PRR16: variants seen among roughly 807,000 people sequenced by gnomAD.
The protein encoded by PRR16 is proline rich 16.
A neutral mutation model predicts 18.2 loss-of-function variants in PRR16; 6 were observed. The observed-to-expected ratio is 0.33, with a 90% CI of 0.18 to 0.65. The LOEUF (loss-of-function observed/expected upper bound fraction) is 0.65. PRR16 is among the 30% of genes least tolerant of loss of function. The pLI, the probability that PRR16 is intolerant of heterozygous loss-of-function variation, is 0.74. For synonymous variants in PRR16, 151 were observed against 147.8 expected (o/e 1.02, Z -0.16); for missense variants, 412 against 376.6 (o/e 1.09, Z -0.78).
At chr5:120,480,649 TCTGCAAA>T (rs1275947721) in intron 1 of PRR16, among the ~76,000 whole-genome samples, 2 of 152,178 alleles carry the variant, frequency 1.3e-5, no homozygotes, top group African/African-American at 2.4e-5. Flanking sequence ...TGATAATGTG[TCTGCAAA>T]CTGATGAAGA....
chr5:120,516,108 A>AAAACCAAACC (rs554533064), intron 1 of PRR16, among the ~76,000 whole-genome samples: 1 of 152,124 alleles, frequency 6.6e-6, no homozygotes, highest in African/African-American at 2.4e-5. Context: ...GCTAGAAAGC[A>AAAACCAAACC]AAACCAAACC....
chr5:120,777,642 A>G, the PRR16 span, among the ~76,000 whole-genome samples: 2 of 152,116 alleles, frequency 1.3e-5, no homozygotes, highest in Admixed American at 1.3e-4. Flanking sequence ...TATCTAGACT[A>G]GTGATATACA....
chr5:120,507,178 C>A (rs1192164047), intron 1 of PRR16, among the ~76,000 whole-genome samples: 1 of 152,056 alleles, frequency 6.6e-6, no homozygotes, highest in Non-Finnish European at 1.5e-5. Flanking sequence ...GGCACCATCC[C>A]TTGCATAGTA....
chr5:120,490,769 C>G (rs1256620432), intron 1 of PRR16, among the ~76,000 whole-genome samples: 1 of 151,958 alleles, frequency 6.6e-6, no homozygotes, highest in East Asian at 1.9e-4. Flanking sequence ...TGTTTTTTTC[C>G]CCATCTTTGT....
At position 120,465,167 on chromosome 5, in the gene PRR16, C is replaced by G. The variant is rs533628281; in HGVS notation, c.159+522C>G. On this transcript the variant is annotated intron_variant, in intron 1 of 1. Coordinates refer to ENST00000407149, the MANE Select transcript of PRR16 (RefSeq NM_001300783.2). ...GGCTCAGACTACCCTCCCTGTCTCT[C>G]GAGCCTCGCTGTAGGGAAGGCGACC... Among the ~76,000 whole-genome samples, 120 of 152,266 alleles carry G rather than the reference C, an allele frequency of 7.9e-4. 1 individual carries two copies. Among genetic ancestry groups the G allele is most frequent in the African/African-American group, 2.7e-3 (111 of 41,560 alleles).
the PRR16 span, among the ~76,000 whole-genome samples, chr5:120,700,790 T>G: frequency 6.6e-6 from 1 of 152,200 alleles, no homozygotes; most frequent in Admixed American, 6.5e-5. Context: ...CTGTGAGAGT[T>G]ACCCAAAGCT....
At chr5:120,542,519 C>A (rs1751947729) in intron 1 of PRR16, among the ~76,000 whole-genome samples, 2 of 151,928 alleles carry the variant, frequency 1.3e-5, no homozygotes, top group Non-Finnish European at 2.9e-5. Flanking sequence ...TGGAATTTAC[C>A]AGTTTTTCCA....
intron 1 of PRR16, among the ~76,000 whole-genome samples, chr5:120,505,469 T>C (rs1358416545): frequency 6.6e-6 from 1 of 152,164 alleles, no homozygotes; most frequent in African/African-American, 2.4e-5. Context: ...CCCCACTTTA[T>C]ACTTGGAGAG....
At chr5:120,486,257 G>A (rs1036647475) in intron 1 of PRR16, among the ~76,000 whole-genome samples, 1 of 152,212 alleles carries the variant, frequency 6.6e-6, no homozygotes, top group Non-Finnish European at 1.5e-5. Flanking sequence ...CTAGTTTACA[G>A]TTCCAACAGC....
At chr5:120,546,278 T>C (rs1752071680) in intron 1 of PRR16, among the ~76,000 whole-genome samples, 1 of 152,096 alleles carries the variant, frequency 6.6e-6, no homozygotes, top group Non-Finnish European at 1.5e-5. Context: ...ATGGTTAATA[T>C]TCATTCAATA....
chr5:120,763,151 C>G, the PRR16 span, among the ~76,000 whole-genome samples: 1 of 122,992 alleles, frequency 8.1e-6, no homozygotes, highest in Non-Finnish European at 1.8e-5. Context: ...ATTTTAATAG[C>G]AATTTTTTTT....
At chr5:120,738,138 C>T in the PRR16 span, among the ~76,000 whole-genome samples, 2 of 151,900 alleles carry the variant, frequency 1.3e-5, no homozygotes, top group South Asian at 4.2e-4. Flanking sequence ...GATGAAAAGC[C>T]TGTCCATATA....
At chr5:120,618,490 A>C (rs960295633) in intron 1 of PRR16, 4 of 968,858 alleles carry the variant, frequency 4.1e-6, no homozygotes, top group Non-Finnish European at 4.9e-6. Context: ...AATGTGTTCT[A>C]ATTGTTGTAA....
At chr5:120,516,634 A>T (rs982448895) in intron 1 of PRR16, among the ~76,000 whole-genome samples, 6 of 152,080 alleles carry the variant, frequency 3.9e-5, no homozygotes, top group African/African-American at 1.4e-4. Context: ...GGACGCTTTT[A>T]TATATTTTTT....
At chr5:120,502,896 G>A (rs973036346) in intron 1 of PRR16, among the ~76,000 whole-genome samples, 1 of 152,096 alleles carries the variant, frequency 6.6e-6, no homozygotes, top group Admixed American at 6.5e-5. Context: ...CTACTTTTAG[G>A]AGGCAAATGA....
chr5:120,648,561 A>G (rs1403646278), intron 1 of PRR16, among the ~76,000 whole-genome samples: 1 of 152,096 alleles, frequency 6.6e-6, no homozygotes, highest in African/African-American at 2.4e-5. Context: ...AAGAGAATAA[A>G]TATCTCTATT....
At chr5:120,501,343 A>G (rs1580654986) in intron 1 of PRR16, among the ~76,000 whole-genome samples, 1 of 152,224 alleles carries the variant, frequency 6.6e-6, no homozygotes, top group East Asian at 1.9e-4. Context: ...ATATCCATCA[A>G]AAGCTTAACT....
intron 1 of PRR16, among the ~76,000 whole-genome samples, chr5:120,515,646 G>C (rs557953186): frequency 2.6e-5 from 4 of 152,126 alleles, no homozygotes; most frequent in Non-Finnish European, 4.4e-5. Flanking sequence ...AAAAAACCCA[G>C]ATTAATAGCA....
chr5:120,737,003 CTTTAGAGTGTT>C, the PRR16 span, among the ~76,000 whole-genome samples: 1 of 152,090 alleles, frequency 6.6e-6, no homozygotes, highest in Non-Finnish European at 1.5e-5. Context: ...TGAGAGAGAT[CTTTAGAGTGTT>C]CTACACAGAA....
Sources: gnomAD v4.1 joint callset for allele counts (sites outside exome capture counted in the v4.1 genomes callset) on GRCh38, gnomAD v4.1.1 for gene constraint, MANE v1.5 for transcripts, NCBI Gene and HGNC (gene_info 2026-07-23, HGNC 2026-07-21) for gene names.